The following SNAP91 variants were observed in gnomAD, a reference collection of about 807,000 sequenced individuals.
The protein encoded by SNAP91 is synaptosome associated protein 91, also known as clathrin coat assembly protein AP180.
Under a neutral mutation model 100.3 loss-of-function variants are expected in SNAP91, and 27 were observed. The ratio of observed to expected loss-of-function variants is 0.27; its 90% confidence interval spans 0.20 to 0.37. SNAP91 has a LOEUF of 0.37. SNAP91 is among the 10% of genes least tolerant of loss of function. The pLI is 1.00. For missense variants in SNAP91, 986 were observed against 1,123.7 expected, an observed-to-expected ratio of 0.88 and a Z score of 1.75; for synonymous variants, 404 against 398.6, an observed-to-expected ratio of 1.01 and a Z score of -0.16.
chr6:83,614,041 C>G (rs1410960949), intron 11 of SNAP91, among the ~76,000 whole-genome samples: 6 of 151,996 alleles, frequency 3.9e-5, no homozygotes, highest in Non-Finnish European at 7.4e-5. Context: ...TATTTCTTTC[C>G]AAGATGTTAA....
At position 83,614,524 on chromosome 6, in the gene SNAP91, C is replaced by T. The variant is rs892017055; in HGVS notation, c.884+333G>A. 6.6e-5 allele frequency among the ~76,000 whole-genome samples: 10 copies of T among 152,084 alleles called. 1 individual carries two copies. Among genetic ancestry groups the T allele is most frequent in the South Asian group, 6.2e-4 (3 of 4,818 alleles). ...AATTTTCTTTATAAATTTGTCTTTTCGCATTTATGCTATAAGCCATGGGGA... is the reference window on the plus strand; with the variant it reads ...AATTTTCTTTATAAATTTGTCTTTTTGCATTTATGCTATAAGCCATGGGGA... On this transcript the variant is annotated intron_variant, in intron 11 of 29. Coordinates refer to ENST00000369694, the MANE Select transcript of SNAP91 (RefSeq NM_001242792.2).
At chr6:83,655,310 C>G (rs2128687680) in intron 7 of SNAP91, among the ~76,000 whole-genome samples, 1 of 152,322 alleles carries the variant, frequency 6.6e-6, no homozygotes, top group East Asian at 1.9e-4. Context: ...ATGTGCTGCT[C>G]TAAGCAAAGC....
At chr6:83,561,470 C>A (rs1787536272) in intron 26 of SNAP91, among the ~76,000 whole-genome samples, 1 of 152,110 alleles carries the variant, frequency 6.6e-6, no homozygotes, top group Non-Finnish European at 1.5e-5. Context: ...GTTCTAGCAC[C>A]ACATCAATGA....
intron 2 of SNAP91, among the ~76,000 whole-genome samples, chr6:83,691,682 T>C (rs1204546193): frequency 6.6e-6 from 1 of 152,162 alleles, no homozygotes; most frequent in African/African-American, 2.4e-5. Flanking sequence ...AATAATAAAG[T>C]CACTCCATAT....
Position 83,593,598 on chromosome 6 carries a change from C to A in SNAP91, c.1576G>T (p.Ala526Ser), listed in dbSNP as rs1402627909. The change falls in exon 18 of 30, where the codon GCT (alanine) becomes TCT (serine). Residue 526 changes from alanine (A) to serine (S), a missense_variant. Coordinates refer to ENST00000369694, the MANE Select transcript of SNAP91 (RefSeq NM_001242792.2). The part of the protein sequence containing the change: ...PPVPATAPSP[A>S]PAVAAAAAAT... ...GCAGCAGCAGCTGCAACGGCAGGAGCAGGAGAAGGAGCAGTTGCGGGAACT... is the reference window on the plus strand; with the variant it reads ...GCAGCAGCAGCTGCAACGGCAGGAGAAGGAGAAGGAGCAGTTGCGGGAACT... The A allele has an allele frequency of 6.3e-7, 1 of 1,581,610 alleles. No individual in the cohort carries two copies.
At chr6:83,690,468 A>T in intron 2 of SNAP91, 1 of 1,192,370 alleles carries the variant, frequency 8.4e-7, no homozygotes. Flanking sequence ...GTTACACATT[A>T]ATAAGAAAAT....
At chr6:83,647,973 CT>C (rs753610720) in intron 7 of SNAP91, among the ~76,000 whole-genome samples, 3 of 152,130 alleles carry the variant, frequency 2.0e-5, no homozygotes, top group African/African-American at 4.8e-5. Context: ...CAAAAGTCAC[CT>C]CTTAAAAGTT....
intron 2 of SNAP91, among the ~76,000 whole-genome samples, chr6:83,675,570 T>C (rs62419594): frequency 0.061 from 9,346 of 152,184 alleles, 371 homozygotes; most frequent in Non-Finnish European, 0.086. Context: ...TGTTCCCCAA[T>C]AGGATTTTGG....
chr6:83,645,309 A>G (rs2097871677), intron 7 of SNAP91, among the ~76,000 whole-genome samples: 1 of 152,130 alleles, frequency 6.6e-6, no homozygotes, highest in Non-Finnish European at 1.5e-5. Context: ...AAAATTAAAC[A>G]GAAGTTACAG....
At chr6:83,707,613 C>A (rs1480361383) in intron 2 of SNAP91, among the ~76,000 whole-genome samples, 185 bp downstream of exon 2, 1 of 151,636 alleles carries the variant, frequency 6.6e-6, no homozygotes, top group Non-Finnish European at 1.5e-5. Context: ...AAAAATGGCT[C>A]ACAAGACAAG....
chr6:83,666,267 A>G lies in SNAP91; in HGVS notation c.131-686T>C, dbSNP rs115991069. ...TTTTAAAAAAATTATCTACTGGCCA[A>G]CAGGGAGTGCCCAGCATTCAGAAAA... On this transcript the variant is annotated intron_variant, in intron 2 of 29. Coordinates refer to ENST00000369694, the MANE Select transcript of SNAP91 (RefSeq NM_001242792.2). Among the ~76,000 whole-genome samples, 1,351 of 152,244 alleles carry G rather than the reference A, an allele frequency of 8.9e-3. 11 individuals carry two copies. Among genetic ancestry groups the G allele is most frequent in the African/African-American group, 0.031 (1,271 of 41,570 alleles).
At chr6:83,684,858 CT>C (rs2099039785) in intron 2 of SNAP91, among the ~76,000 whole-genome samples, 1 of 152,152 alleles carries the variant, frequency 6.6e-6, no homozygotes, top group Admixed American at 6.5e-5. Flanking sequence ...AATGACTCCA[CT>C]TTTTCAAAAG....
chr6:83,577,990 G>A lies in SNAP91; in HGVS notation c.2300-1937C>T, dbSNP rs192303514. Among the ~76,000 whole-genome samples, 15 of 152,132 alleles carry A rather than the reference G, an allele frequency of 9.9e-5. No homozygotes were observed. In the East Asian group the frequency reaches 2.3e-3, roughly 24 times the overall value. ...TATATGAAAACACATAGTCTTTTGC[G>A]ACCGACTTCTTTCACTTGGCATGTT... On this transcript the variant is annotated intron_variant, in intron 24 of 29. Transcript: ENST00000369694.
In SNAP91 at chr6:83,654,462, G is replaced by T. The variant is rs188632364; in HGVS notation, c.658+2292C>A. Among the ~76,000 whole-genome samples the T allele has an allele frequency of 2.1e-3, 325 of 152,236 alleles. 2 individuals are homozygous for T. Among genetic ancestry groups the T allele is most frequent in the Non-Finnish European group, 3.2e-3 (219 of 68,014 alleles). On this transcript the variant is annotated intron_variant, in intron 7 of 29. Coordinates refer to ENST00000369694, the MANE Select transcript of SNAP91 (RefSeq NM_001242792.2). Reference sequence around the variant, plus strand: ...AGATTTACCTACCCAGACTTTTCAAGGACACTGACTCTAAGCTCATTCTAC... The same window carrying T: ...AGATTTACCTACCCAGACTTTTCAATGACACTGACTCTAAGCTCATTCTAC...
At chr6:83,697,348 A>ACACACACC (rs1032657035) in intron 2 of SNAP91, among the ~76,000 whole-genome samples, 5 of 151,876 alleles carry the variant, frequency 3.3e-5, no homozygotes, top group Admixed American at 3.3e-4. Flanking sequence ...ACACACACAC[A>ACACACACC]CACACACACA....
intron 7 of SNAP91, among the ~76,000 whole-genome samples, chr6:83,651,741 G>C (rs2098215867): frequency 6.6e-6 from 1 of 152,048 alleles, no homozygotes; most frequent in Admixed American, 6.6e-5. Flanking sequence ...AGTCTATATA[G>C]ATATATGTCC....
chr6:83,697,372 G>A (rs560815520), intron 2 of SNAP91, among the ~76,000 whole-genome samples: 45 of 124,580 alleles, frequency 3.6e-4, no homozygotes, highest in African/African-American at 1.2e-3. Flanking sequence ...ACACAATGCC[G>A]GCAAAGGATT....
At chr6:83,567,153 G>T (rs1037325004) in intron 26 of SNAP91, among the ~76,000 whole-genome samples, 1 of 152,082 alleles carries the variant, frequency 6.6e-6, no homozygotes, top group African/African-American at 2.4e-5. Context: ...GCCCAGGCTA[G>T]CCTCAAATTC....
intron 26 of SNAP91, among the ~76,000 whole-genome samples, chr6:83,567,154 C>G (rs1036459419): frequency 6.6e-6 from 1 of 152,064 alleles, no homozygotes; most frequent in African/African-American, 2.4e-5. Context: ...CCCAGGCTAG[C>G]CTCAAATTCC....
Sources: gnomAD v4.1 joint callset for allele counts (sites outside exome capture counted in the v4.1 genomes callset) on GRCh38, gnomAD v4.1.1 for gene constraint, MANE v1.5 for transcripts, NCBI Gene and HGNC (gene_info 2026-07-23, HGNC 2026-07-21) for gene names.